The following NKAIN3 variants were observed in gnomAD, a reference collection of about 807,000 sequenced individuals.
The protein encoded by NKAIN3 is sodium/potassium transporting ATPase interacting 3, also known as sodium/potassium-transporting ATPase subunit beta-1-interacting protein 3.
Under a neutral mutation model 30.2 loss-of-function variants are expected in NKAIN3, and 25 were observed. The observed-to-expected ratio is 0.83, with a 90% CI of 0.60 to 1.16. The LOEUF (loss-of-function observed/expected upper bound fraction) is 1.16, where lower values mean the gene tolerates loss of function less well. Among genes scored for constraint, NKAIN3 ranks in the 50% most tolerant of loss-of-function variants. The pLI is 0.00. For missense variants in NKAIN3, 225 were observed against 254.1 expected (o/e 0.89, Z 0.78); for synonymous variants, 91 against 89.6 (o/e 1.02, Z -0.09).
rs1195690280 is a variant in NKAIN3 at position 62,479,322 on chromosome 8, C to T, written c.55-100217C>T. On this transcript the variant is annotated intron_variant, in intron 1 of 6. Coordinates refer to ENST00000623646, the MANE Select transcript of NKAIN3 (RefSeq NM_001304533.3). ...TCTACCTACATTATCTCATTTGGCC[C>T]CCTAAGCAACCCAGCAAGAATGGAG... 3.9e-5 allele frequency among the ~76,000 whole-genome samples: 6 copies of T among 152,110 alleles called. No homozygotes were observed. In the South Asian group the frequency reaches 1.2e-3, roughly 32 times the overall value.
At chr8:62,383,535 T>A (rs1359655781) in intron 1 of NKAIN3, 1 of 455,556 alleles carries the variant, frequency 2.2e-6, no homozygotes, top group Admixed American at 2.3e-5. Context: ...AATGATTATC[T>A]TAATGGCATC....
At chr8:62,873,138 G>C (rs541639426) in intron 4 of NKAIN3, among the ~76,000 whole-genome samples, 30 of 152,216 alleles carry the variant, frequency 2.0e-4, no homozygotes, top group African/African-American at 7.2e-4. Context: ...TAAAGAGATG[G>C]AGGAAAATTT....
At chr8:62,629,396 C>T (rs1344122451) in intron 3 of NKAIN3, among the ~76,000 whole-genome samples, 3 of 152,064 alleles carry the variant, frequency 2.0e-5, no homozygotes, top group African/African-American at 7.2e-5. Flanking sequence ...TTATATTTTG[C>T]ATGCCTACTA....
chr8:62,532,165 G>T (rs1808508954), intron 1 of NKAIN3, among the ~76,000 whole-genome samples: 3 of 152,052 alleles, frequency 2.0e-5, no homozygotes, highest in African/African-American at 7.2e-5. Flanking sequence ...TTGTTTGTCG[G>T]TGTTGTCCAT....
At chr8:62,334,736 G>A (rs952459813) in intron 1 of NKAIN3, among the ~76,000 whole-genome samples, 13 of 152,000 alleles carry the variant, frequency 8.6e-5, no homozygotes, top group African/African-American at 3.1e-4. Flanking sequence ...ATGGGGTTTG[G>A]CTGGGCAATT....
intron 4 of NKAIN3, among the ~76,000 whole-genome samples, chr8:62,881,373 G>A (rs1563610198): frequency 6.6e-6 from 1 of 152,174 alleles, no homozygotes. Context: ...TTATGTAGCT[G>A]AAATCAGTAA....
At chr8:62,427,673 T>C (rs1355476314) in intron 1 of NKAIN3, among the ~76,000 whole-genome samples, 1 of 151,926 alleles carries the variant, frequency 6.6e-6, no homozygotes, top group Non-Finnish European at 1.5e-5. Flanking sequence ...CAAGAATAAA[T>C]TATATTTTTA....
chr8:62,434,947 T>C (rs1292294390), intron 1 of NKAIN3, among the ~76,000 whole-genome samples: 1 of 152,046 alleles, frequency 6.6e-6, no homozygotes, highest in East Asian at 1.9e-4. Flanking sequence ...TTGAGGCACA[T>C]CAATCATTTT....
At chr8:62,585,729 C>G (rs1379292899) in intron 2 of NKAIN3, among the ~76,000 whole-genome samples, 2 of 152,124 alleles carry the variant, frequency 1.3e-5, no homozygotes, top group African/African-American at 4.8e-5. Flanking sequence ...TTGGGAACCC[C>G]TGCTTTAGGG....
At chr8:62,926,516 C>A (rs1047600511) in intron 5 of NKAIN3, among the ~76,000 whole-genome samples, 1 of 150,750 alleles carries the variant, frequency 6.6e-6, no homozygotes. Context: ...CCCACTCATT[C>A]TTCATCACTG....
intron 4 of NKAIN3, among the ~76,000 whole-genome samples, chr8:62,803,414 C>A (rs142077750): frequency 0.56 from 85,075 of 151,908 alleles, 25,177 homozygotes; most frequent in Non-Finnish European, 0.67. Flanking sequence ...AACAAACTGT[C>A]TCTCAGACCA....
At chr8:62,771,144 G>T (rs1293685020) in intron 4 of NKAIN3, among the ~76,000 whole-genome samples, 1 of 152,058 alleles carries the variant, frequency 6.6e-6, no homozygotes, top group Admixed American at 6.6e-5. Context: ...AATAATAAAA[G>T]TGGTCTGGCA....
At chr8:62,814,115 G>C (rs1818586584) in intron 4 of NKAIN3, among the ~76,000 whole-genome samples, 1 of 151,904 alleles carries the variant, frequency 6.6e-6, no homozygotes, top group African/African-American at 2.4e-5. Flanking sequence ...TTGTGATTCT[G>C]AGAGAACTTC....
At chr8:62,462,285 G>A (rs905310902) in intron 1 of NKAIN3, among the ~76,000 whole-genome samples, 12 of 152,132 alleles carry the variant, frequency 7.9e-5, no homozygotes, top group Non-Finnish European at 1.3e-4. Context: ...GAGAGCAGGA[G>A]AGGAAGAATG....
intron 4 of NKAIN3, among the ~76,000 whole-genome samples, chr8:62,803,327 C>T (rs1047814143): frequency 3.3e-5 from 5 of 152,124 alleles, no homozygotes; most frequent in African/African-American, 1.2e-4. Context: ...TTCAGCACCA[C>T]ACCACACCTA....
intron 3 of NKAIN3, among the ~76,000 whole-genome samples, chr8:62,675,478 G>A (rs1813445278): frequency 6.6e-6 from 1 of 152,122 alleles, no homozygotes; most frequent in Non-Finnish European, 1.5e-5. Flanking sequence ...ACTTTATGGT[G>A]GCCTGATTTA....
chr8:62,842,567 A>G (rs1056006409), intron 4 of NKAIN3, among the ~76,000 whole-genome samples: 6 of 152,126 alleles, frequency 3.9e-5, no homozygotes, highest in African/African-American at 1.4e-4. Context: ...TCTTGAGCAA[A>G]AAGAACAAAG....
chr8:62,681,785 A>T (rs761393515), intron 3 of NKAIN3, among the ~76,000 whole-genome samples: 30 of 152,306 alleles, frequency 2.0e-4, no homozygotes, highest in Non-Finnish European at 2.8e-4. Context: ...CCGCTTTATA[A>T]ATGTATAATC....
intron 1 of NKAIN3, among the ~76,000 whole-genome samples, chr8:62,318,714 G>C (rs1475821480): frequency 6.6e-6 from 1 of 152,186 alleles, no homozygotes; most frequent in African/African-American, 2.4e-5. Flanking sequence ...GCTTTTTGAT[G>C]TTCTGCTGGA....
Sources: gnomAD v4.1 joint callset for allele counts (sites outside exome capture counted in the v4.1 genomes callset) on GRCh38, gnomAD v4.1.1 for gene constraint, MANE v1.5 for transcripts, NCBI Gene and HGNC (gene_info 2026-07-23, HGNC 2026-07-21) for gene names.